The following NFASC variants were observed in gnomAD, a reference collection of about 807,000 sequenced individuals.
The protein encoded by NFASC is neurofascin homolog.
NFASC carries 43 observed loss-of-function variants against 147.5 expected under a neutral mutation model. The observed-to-expected ratio is 0.29, with a 90% confidence interval of 0.23 to 0.38. The LOEUF is 0.38. NFASC is among the 10% of genes least tolerant of loss of function. The pLI is 1.00. For synonymous variants in NFASC, 622 were observed against 665.5 expected (o/e 0.93, Z 1.01); for missense variants, 1,320 against 1,689.0 (o/e 0.78, Z 3.83).
Position 205,009,652 on chromosome 1 carries a change from T to A in NFASC, c.3385T>A (p.Cys1129Ser), listed in dbSNP as rs770152671. ...CCTGGTGCTGATCCTGCTCATCGTC[T>A]GTTTCATCAAGAGGAGTCGCGGCGG... is the stretch of plus-strand genomic sequence containing the variant. ...ALLVLILLIV[C>S]FIKRSRGGKY... The change falls in exon 28 of 30, where the codon TGT becomes AGT. Residue 1129 changes from cysteine to serine, a missense_variant. This residue lies in a region of NFASC where 167 missense variants were observed against 233.8 expected (regional missense o/e 0.71). Coordinates refer to ENST00000339876, the MANE Select transcript of NFASC (RefSeq NM_001005388.3). The A allele has an allele frequency of 1.4e-5, 22 of 1,614,034 alleles. No individual in the cohort carries two copies. Among genetic ancestry groups the A allele is most frequent in the Non-Finnish European group, 1.8e-5 (21 of 1,180,032 alleles).
chr1:204,911,345 A>G (rs2087442493), intron 1 of NFASC, among the ~76,000 whole-genome samples: 1 of 152,154 alleles, frequency 6.6e-6, no homozygotes, highest in South Asian at 2.1e-4. Context: ...CTGTTTGCTT[A>G]TATTTTGTTA....
At position 205,017,396 on chromosome 1, in the gene NFASC, AG is replaced by A. The variant is rs555380051; in HGVS notation, c.*858del. 5.4e-4 allele frequency: 83 copies of A among 153,020 alleles called. No individual in the cohort carries two copies. The highest frequency in any genetic ancestry group is 1.8e-3 in the African/African-American group (73 of 41,576). 9.5% of individuals were successfully genotyped at this position (153,020 alleles called of 1,614,324 possible). A position where few individuals can be genotyped will look rare whatever the true frequency, so the allele number is the denominator to read the frequency against. Reference sequence around the variant, plus strand: ...CACTGATAGAAAGGACTTCAACGCCAGTGACTGTGTACCTCCAGCAGAAGAA... The same window carrying A: ...CACTGATAGAAAGGACTTCAACGCCATGACTGTGTACCTCCAGCAGAAGAA... On this transcript the variant is annotated 3_prime_UTR_variant, in exon 30 of 30. Coordinates refer to ENST00000339876, the MANE Select transcript of NFASC (RefSeq NM_001005388.3).
At chr1:204,894,223 C>A (rs2082966315) in intron 1 of NFASC, among the ~76,000 whole-genome samples, 1 of 152,202 alleles carries the variant, frequency 6.6e-6, no homozygotes, top group African/African-American at 2.4e-5. Context: ...TTCCTCATGC[C>A]TCATTGGCCA....
At position 204,846,457 on chromosome 1, in the gene NFASC, G is replaced by A. The variant is rs910931049; in HGVS notation, c.-200+17675G>A. On this transcript the variant is annotated intron_variant, in intron 1 of 29. Transcript: ENST00000339876. ...GAGCTTGGTGGCCATTTGGGAGTGC[G>A]GCATGAATTAGGGTGGGGCCATGCC... is the stretch of plus-strand genomic sequence containing the variant. Among the ~76,000 whole-genome samples, 10 of 152,120 alleles carry A rather than the reference G, an allele frequency of 6.6e-5. No homozygotes were observed. In the East Asian group the frequency reaches 1.2e-3, roughly 18 times the overall value.
chr1:204,925,946 A>G (rs1350441388), intron 2 of NFASC, among the ~76,000 whole-genome samples: 4 of 152,162 alleles, frequency 2.6e-5, no homozygotes, highest in Non-Finnish European at 5.9e-5. Context: ...TCGCACAGAT[A>G]TCTCTTGGGA....
At chr1:204,919,409 C>T (rs2090015444) in intron 1 of NFASC, among the ~76,000 whole-genome samples, 1 of 152,152 alleles carries the variant, frequency 6.6e-6, no homozygotes, top group Non-Finnish European at 1.5e-5. Context: ...TATATTTTTG[C>T]ATTCCTCCTC....
Position 204,954,397 on chromosome 1 carries a change from G to C in NFASC, c.412+13G>C. On this transcript the variant is annotated intron_variant, in intron 6 of 29. Transcript: ENST00000339876. This position sits in a 1 kb window ranked among gnomAD's most constrained non-coding sequence, Gnocchi z 5.7. ...CTGCAGGTGTCTAGTGAGTAGCGTG[G>C]GGCAGGGCTGAAATGCCCTGCTCCT... is the stretch of plus-strand genomic sequence containing the variant. 2 of 1,611,686 alleles carry C rather than the reference G, an allele frequency of 1.2e-6. No homozygotes were observed. Among genetic ancestry groups the C allele is most frequent in the Non-Finnish European group, 1.7e-6 (2 of 1,178,656 alleles).
At chr1:204,929,047 G>A (rs2149547781) in intron 2 of NFASC, among the ~76,000 whole-genome samples, 1 of 152,270 alleles carries the variant, frequency 6.6e-6, no homozygotes, top group South Asian at 2.1e-4. Context: ...TTAGTTCCGA[G>A]TGTTGAGCAG....
chr1:204,964,787 G>A (rs894149338), intron 8 of NFASC, among the ~76,000 whole-genome samples: 1 of 152,138 alleles, frequency 6.6e-6, no homozygotes, highest in Non-Finnish European at 1.5e-5. Context: ...AGCTGTTTTT[G>A]GTAGAGGTCC....
In NFASC at chr1:204,877,030, T is replaced by A. The variant is rs866997667; in HGVS notation, c.-199-43602T>A. Among the ~76,000 whole-genome samples the A allele has an allele frequency of 3.3e-5, 3 of 90,478 alleles. No individual in the cohort carries two copies. In the South Asian group the frequency reaches 8.8e-4, roughly 27 times the overall value. The allele number at this position is 90,478 out of a possible 152,430, so 59.4% of individuals were successfully genotyped here. The stretch of plus-strand genomic sequence containing the variant: ...TATATATATATATATATATATATAA[T>A]ATATATTTATATATATATAATATAT... On this transcript the variant is annotated intron_variant, in intron 1 of 29. Coordinates refer to ENST00000339876, the MANE Select transcript of NFASC (RefSeq NM_001005388.3).
At chr1:204,947,880 A>T (rs1159427517) in intron 3 of NFASC, among the ~76,000 whole-genome samples, 1 of 151,930 alleles carries the variant, frequency 6.6e-6, no homozygotes, top group African/African-American at 2.4e-5. Context: ...ACATTCACAC[A>T]TACACTCACG....
In NFASC at chr1:204,961,776, C is replaced by G. The variant is rs16854810; in HGVS notation, c.706+3950C>G. 5.6e-3 allele frequency among the ~76,000 whole-genome samples: 848 copies of G among 152,344 alleles called. 12 individuals carry two copies. The highest frequency in any genetic ancestry group is 0.01 in the South Asian group (49 of 4,822). On this transcript the variant is annotated intron_variant, in intron 8 of 29. Coordinates refer to ENST00000339876, the MANE Select transcript of NFASC (RefSeq NM_001005388.3). ...TGTTCAAAAGATGGCTACAGGACAC[C>G]ACTAATCCTTCTCTCATTTGTTTGA...
At position 204,947,444 on chromosome 1, in the gene NFASC, G is replaced by T. The variant is rs374101016; in HGVS notation, c.91+3038G>T. Among the ~76,000 whole-genome samples the T allele has an allele frequency of 5.3e-5, 8 of 152,192 alleles. No homozygotes were observed. The East Asian group carries it at 1.3e-3, about 26-fold the overall frequency. On this transcript the variant is annotated intron_variant, in intron 3 of 29. Transcript: ENST00000339876. ...TTTCTACTCATTTGCCCCTTCAGTG[G>T]ACATTATCTGTGTCTCGAGGGCAGG...
chr1:204,973,242 T>G (rs1469163460), intron 11 of NFASC, 34 bp from the exon 12 acceptor site: 1 of 1,612,226 alleles, frequency 6.2e-7, no homozygotes, highest in Admixed American at 1.7e-5. Context: ...GCCCTCCCCA[T>G]CTCTCATGAG....
Position 205,010,019 on chromosome 1 carries a change from A to C in NFASC, c.3421+331A>C. 2.5e-5 allele frequency: 7 copies of C among 281,120 alleles called. No homozygotes were observed. Among genetic ancestry groups the C allele is most frequent in the East Asian group, 7.6e-5 (1 of 13,144 alleles). 17.4% of individuals were successfully genotyped at this position (281,120 alleles called of 1,614,324 possible). ...TTGGCTTTTTTTCAGCCTGAATCTC[A>C]TTAGGATCCTGTGTCCCAGGGAAGG... On this transcript the variant is annotated intron_variant, in intron 28 of 29. Transcript: ENST00000339876. The surrounding 1 kb of genome is among the most constrained non-coding windows in gnomAD (Gnocchi z 4.1).
At chr1:205,001,315 G>A in intron 26 of NFASC, 29 bp downstream of exon 26, 1 of 1,452,086 alleles carries the variant, frequency 6.9e-7, no homozygotes, top group South Asian at 1.2e-5. Context: ...GGTGGTGGTG[G>A]CGGCAGCGGC....
intron 8 of NFASC, among the ~76,000 whole-genome samples, chr1:204,958,191 T>G (rs1021068074): frequency 6.6e-6 from 1 of 152,214 alleles, no homozygotes; most frequent in Admixed American, 6.5e-5. Context: ...TGAGAACCAC[T>G]GCTTCCAGTG....
chr1:204,906,542 A>G (rs1057234806), intron 1 of NFASC, among the ~76,000 whole-genome samples: 9 of 152,156 alleles, frequency 5.9e-5, no homozygotes, highest in African/African-American at 2.2e-4. Context: ...ATTGCTTTAT[A>G]TTGCTGTATA....
At chr1:204,870,168 T>C (rs969108036) in intron 1 of NFASC, among the ~76,000 whole-genome samples, 1 of 151,558 alleles carries the variant, frequency 6.6e-6, no homozygotes, top group Admixed American at 6.6e-5. Context: ...TCAGGGGAGG[T>C]TGAAGGGACT....
Sources: allele counts gnomAD v4.1 joint callset (sites outside exome capture counted in the v4.1 genomes callset), GRCh38; gene constraint gnomAD v4.1.1; regional missense constraint gnomAD v4.1.1; non-coding constraint Gnocchi (gnomAD v3.1); transcripts MANE v1.5; gene names NCBI Gene and HGNC (gene_info 2026-07-23, HGNC 2026-07-21).